Variants in ILDR2 observed in about 807,000 individuals in gnomAD.
ILDR2 encodes immunoglobulin like domain containing receptor 2, also known as immunoglobulin-like domain-containing receptor 2.
In ILDR2, 25 loss-of-function variants were observed where a neutral mutation model predicts 66.8. That is an observed-to-expected ratio of 0.37 (90% confidence interval 0.27 to 0.52). The LOEUF is 0.52. Among genes scored for constraint, ILDR2 ranks in the 20% least tolerant of loss-of-function variants. The probability of loss-of-function intolerance (pLI) is 0.88; values close to 1 mark genes in which losing one functional copy is unlikely to be tolerated. For missense variants in ILDR2, 827 were observed against 876.8 expected (o/e 0.94, Z 0.72); for synonymous variants, 367 against 357.2 (o/e 1.03, Z -0.31).
At chr1:166,896,635 CT>C (rs71753303) in intron 2 of ILDR2, among the ~76,000 whole-genome samples, 5,285 of 131,422 alleles carry the variant, frequency 0.04, 90 homozygotes, top group African/African-American at 0.045. Context: ...ACTTCATCTA[CT>C]TTTTTTTTTT....
At chr1:166,946,571 T>C (rs751534238) in intron 3 of ILDR2, among the ~76,000 whole-genome samples, 23 of 152,208 alleles carry the variant, frequency 1.5e-4, no homozygotes, top group Non-Finnish European at 2.8e-4. Flanking sequence ...AATCAGATTT[T>C]ATAACTAGAA....
chr1:166,928,756 T>A (rs1470184771), intron 6 of ILDR2, among the ~76,000 whole-genome samples: 1 of 152,196 alleles, frequency 6.6e-6, no homozygotes, highest in Non-Finnish European at 1.5e-5. Flanking sequence ...ACACACCCAT[T>A]TGCAGGTGCA....
At chr1:166,943,423 C>T (rs1448107645) in intron 3 of ILDR2, among the ~76,000 whole-genome samples, 1 of 128,838 alleles carries the variant, frequency 7.8e-6, no homozygotes, top group East Asian at 2.8e-4. Flanking sequence ...ACCCGGGAGG[C>T]GGAGCTTGCA....
At chr1:166,920,444 A>G (rs1366403737) in intron 9 of ILDR2, among the ~76,000 whole-genome samples, 3 of 152,078 alleles carry the variant, frequency 2.0e-5, no homozygotes, top group East Asian at 1.9e-4. Context: ...GTAAAACCAT[A>G]TACACGCCTT....
intron 1 of ILDR2, among the ~76,000 whole-genome samples, chr1:166,960,533 T>A (rs558755088): frequency 6.6e-6 from 1 of 152,176 alleles, no homozygotes; most frequent in African/African-American, 2.4e-5. Context: ...CATTCTTTCA[T>A]TGGGCACCTT....
chr1:166,899,098 A>G (rs1447069960), intron 2 of ILDR2, among the ~76,000 whole-genome samples: 1 of 151,936 alleles, frequency 6.6e-6, no homozygotes, highest in Admixed American at 6.6e-5. Flanking sequence ...AAAAGATGAA[A>G]AAGACATGAT....
In ILDR2 at chr1:166,921,420, C is replaced by A; in HGVS notation, c.1212-41G>T. The stretch of plus-strand genomic sequence containing the variant: ...GAGGGGGTCAGACGGCCGGTCCCTC[C>A]CTGGAGCTCCAGGTAGGGCTCCCAA... On this transcript the variant is annotated intron_variant, in intron 8 of 9. Coordinates refer to ENST00000271417, the MANE Select transcript of ILDR2 (RefSeq NM_199351.3). The surrounding 1 kb of genome is among the most constrained non-coding windows in gnomAD (Gnocchi z 5.3). The A allele has an allele frequency of 6.7e-7, 1 of 1,490,122 alleles. No homozygotes were observed. Among genetic ancestry groups the A allele is most frequent in the African/African-American group, 1.4e-5 (1 of 71,772 alleles). The allele number at this position is 1,490,122 out of a possible 1,614,324, so 92.3% of individuals were successfully genotyped here.
Position 166,921,091 on chromosome 1 carries a change from C to T in ILDR2, c.1500G>A (p.Ala500=). ...GCGCGTCCTCGGCGGGTCTGCGGCG[C>T]GCGGGGCTGAAGGCCCAGCCGCGGT... ...DADRGWAFSP[A]RRRPAEDAHL... The change falls in exon 9 of 10, where the codon GCG becomes GCA. Residue 500 remains alanine (A), a synonymous_variant. Transcript: ENST00000271417. The surrounding 1 kb of genome is among the most constrained non-coding windows in gnomAD (Gnocchi z 5.3). 6.7e-7 allele frequency: 1 copy of T among 1,494,012 alleles called. No individual in the cohort carries two copies. Among genetic ancestry groups the T allele is most frequent in the Non-Finnish European group, 8.8e-7 (1 of 1,131,050 alleles). 92.5% of individuals were successfully genotyped at this position (1,494,012 alleles called of 1,614,324 possible). A position where few individuals can be genotyped will look rare whatever the true frequency, so the allele number is the denominator to read the frequency against.
At chr1:166,954,241 C>T (rs1458176518) in intron 3 of ILDR2, among the ~76,000 whole-genome samples, 2 of 152,176 alleles carry the variant, frequency 1.3e-5, no homozygotes, top group Non-Finnish European at 2.9e-5. Context: ...CAGAAATCAG[C>T]TTGCTCTCCT....
intron 1 of ILDR2, among the ~76,000 whole-genome samples, chr1:166,966,237 CTG>C (rs1330473203): frequency 6.6e-6 from 1 of 152,174 alleles, no homozygotes; most frequent in African/African-American, 2.4e-5. Context: ...GCCAATGATT[CTG>C]TGAGTTAATC....
At chr1:166,901,350 A>C (rs536653741) in intron 2 of ILDR2, among the ~76,000 whole-genome samples, 2 of 152,310 alleles carry the variant, frequency 1.3e-5, no homozygotes, top group African/African-American at 4.8e-5. Flanking sequence ...ACATTAACTA[A>C]GAACTTCTCC....
chr1:166,970,047 A>C (rs940059211), intron 1 of ILDR2, among the ~76,000 whole-genome samples: 1 of 152,246 alleles, frequency 6.6e-6, no homozygotes, highest in Non-Finnish European at 1.5e-5. Flanking sequence ...GAAAGAAGGC[A>C]TAAGAGTAAA....
At chr1:166,899,116 G>A (rs898820980) in intron 2 of ILDR2, among the ~76,000 whole-genome samples, 2 of 151,950 alleles carry the variant, frequency 1.3e-5, no homozygotes, top group East Asian at 1.9e-4. Context: ...GATTGGCCGG[G>A]CGCAATGGCT....
Position 166,899,080 on chromosome 1 carries a change from T to C in ILDR2, n.172-2979A>G, listed in dbSNP as rs934457541. On this transcript the variant is annotated intron_variant and non_coding_transcript_variant, in intron 2 of 2. Transcript: ENST00000414590. The stretch of plus-strand genomic sequence containing the variant: ...TCTCTCAAAAAGCCAATAATTATGA[T>C]AATAATAAAAAGATGAAAAAGACAT... Among the ~76,000 whole-genome samples, 8 of 150,732 alleles carry C rather than the reference T, an allele frequency of 5.3e-5. No homozygotes were observed. In the South Asian group the frequency reaches 1.1e-3, roughly 20 times the overall value.
chr1:166,916,135 T>C lies in ILDR2; in HGVS notation c.*3220A>G, dbSNP rs913674391. 2.6e-5 allele frequency: 4 copies of C among 152,480 alleles called. No homozygotes were observed. The highest frequency in any genetic ancestry group is 9.6e-5 in the African/African-American group (4 of 41,552). The allele number at this position is 152,480 out of a possible 1,614,324, so 9.4% of individuals were successfully genotyped here. ...CTCCTCCAGCGTGTTCCTGACTCAGTAGTGACTCACAGGCAAGCACAGCAG... is the reference window on the plus strand; with the variant it reads ...CTCCTCCAGCGTGTTCCTGACTCAGCAGTGACTCACAGGCAAGCACAGCAG... On this transcript the variant is annotated 3_prime_UTR_variant, in exon 10 of 10. Coordinates refer to ENST00000271417, the MANE Select transcript of ILDR2 (RefSeq NM_199351.3).
chr1:166,897,186 T>G (rs184755184), intron 2 of ILDR2, among the ~76,000 whole-genome samples: 1 of 152,074 alleles, frequency 6.6e-6, no homozygotes, highest in East Asian at 1.9e-4. Context: ...TAGTCCACAT[T>G]AGAGCTAATA....
At chr1:166,897,538 G>A (rs1557918027) in intron 2 of ILDR2, among the ~76,000 whole-genome samples, 1 of 152,186 alleles carries the variant, frequency 6.6e-6, no homozygotes, top group South Asian at 2.1e-4. Context: ...TTTGAGCCAA[G>A]TGAAACCGAC....
intron 2 of ILDR2, among the ~76,000 whole-genome samples, chr1:166,898,813 A>G (rs548601403): frequency 9.9e-5 from 15 of 152,090 alleles, no homozygotes; most frequent in Non-Finnish European, 1.9e-4. Context: ...TAATCTCAGC[A>G]CTTTGGGAGG....
intron 1 of ILDR2, among the ~76,000 whole-genome samples, chr1:166,969,173 T>G (rs1450683762): frequency 6.6e-6 from 1 of 152,088 alleles, no homozygotes. Flanking sequence ...CCAGGTCAGT[T>G]TGAGCCTCAC....
Sources: gnomAD v4.1 joint callset for allele counts (sites outside exome capture counted in the v4.1 genomes callset) on GRCh38, gnomAD v4.1.1 for gene constraint, Gnocchi (gnomAD v3.1) non-coding constraint, MANE v1.5 for transcripts, NCBI Gene and HGNC (gene_info 2026-07-23, HGNC 2026-07-21) for gene names.